The following CDC25B variants were observed in gnomAD, a reference collection of about 807,000 sequenced individuals.
The protein encoded by CDC25B is cell division cycle 25B.
CDC25B carries 33 observed loss-of-function variants against 69.8 expected under a neutral mutation model. That is an observed-to-expected ratio of 0.47 (90% CI 0.36 to 0.63). CDC25B has a LOEUF of 0.63. CDC25B is among the 30% of genes least tolerant of loss of function. The probability of loss-of-function intolerance (pLI) is 0.00; values close to 1 mark genes in which losing one functional copy is unlikely to be tolerated. For synonymous variants in CDC25B, 341 were observed against 314.6 expected, an observed-to-expected ratio of 1.08 and a Z score of -0.89; for missense variants, 727 against 809.1, an observed-to-expected ratio of 0.90 and a Z score of 1.23.
Position 3,802,008 on chromosome 20 carries a change from C to G in CDC25B, c.1006C>G (p.Leu336Val). 6.2e-7 allele frequency: 1 copy of G among 1,600,344 alleles called. No individual in the cohort carries two copies. Among genetic ancestry groups the G allele is most frequent in the South Asian group, 1.1e-5 (1 of 88,774 alleles). The change falls in exon 10 of 16, where the codon CTG becomes GTG. Residue 336 changes from leucine to valine, a missense_variant. By Grantham distance (32) the Leu-to-Val change is conservative. This residue lies in a region of CDC25B where 359 missense variants were observed against 463.4 expected (regional missense o/e 0.77). Transcript: ENST00000245960. Reference protein sequence around the residue: ...CSVIRPILKRLERPQDRDTPV... With the variant: ...CSVIRPILKRVERPQDRDTPV... ...CGTGATCCGGCCCATCCTCAAGAGG[C>G]TGGAGCGGCCCCAGGACAGGGACAC...
chr20:3,788,620 C>T (rs967701833), intron 1 of CDC25B, among the ~76,000 whole-genome samples: 1 of 152,172 alleles, frequency 6.6e-6, no homozygotes, highest in Admixed American at 6.5e-5. Flanking sequence ...GGAGACTTTT[C>T]CAGAGCACTG....
rs1321621733 is a variant in CDC25B, at chr20:3,804,911, G to T, written c.1693G>T (p.Ala565Ser). 9.3e-6 allele frequency: 15 copies of T among 1,613,964 alleles called. No individual in the cohort carries two copies. Among genetic ancestry groups the T allele is most frequent in the African/African-American group, 1.3e-5 (1 of 75,068 alleles). Residue 565 changes from alanine to serine, a missense_variant, in exon 16 of 16, where the codon GCT becomes TCT. This residue lies in a region of CDC25B where 359 missense variants were observed against 463.4 expected (regional missense o/e 0.77). Transcript: ENST00000245960. ...CTTCCGCCTCAAGACTCGCAGCTGG[G>T]CTGGGGAGCGGAGCCGGCGGGAGCT... is the stretch of plus-strand genomic sequence containing the variant. The part of the protein sequence containing the change: ...KTFRLKTRSW[A>S]GERSRRELCS...
chr20:3,803,392 C>A lies in CDC25B; in HGVS notation c.1357-12C>A. ...ACCCGGGGCTGTGCCTGACCTCTGG[C>A]TCCTCTGACAGACTGCGGTGAACTT... On this transcript the variant is annotated splice_polypyrimidine_tract_variant and intron_variant, in intron 13 of 15. Transcript: ENST00000245960. This position sits in a 1 kb window ranked among gnomAD's most constrained non-coding sequence, Gnocchi z 4.9. 6.2e-7 allele frequency: 1 copy of A among 1,614,100 alleles called. No homozygotes were observed. Among genetic ancestry groups the A allele is most frequent in the Non-Finnish European group, 8.5e-7 (1 of 1,179,984 alleles).
intron 1 of CDC25B, chr20:3,787,237 A>G (rs1195524605): frequency 2.3e-5 from 13 of 561,492 alleles, no homozygotes; most frequent in South Asian, 1.8e-4. Flanking sequence ...GACTGTATAG[A>G]CTGTATATCT....
chr20:3,798,917 C>T (rs900253705), intron 3 of CDC25B, among the ~76,000 whole-genome samples: 2 of 152,214 alleles, frequency 1.3e-5, no homozygotes, highest in African/African-American at 2.4e-5. Flanking sequence ...GGCTCTTGGC[C>T]GATCAGCAAC....
At chr20:3,788,368 T>G (rs1195823946) in intron 1 of CDC25B, among the ~76,000 whole-genome samples, 2 of 152,248 alleles carry the variant, frequency 1.3e-5, no homozygotes, top group African/African-American at 4.8e-5. Context: ...TTCTTGACTT[T>G]TAGGAGCTCT....
In CDC25B at chr20:3,803,125, G is replaced by A. The variant is rs146556613; in HGVS notation, c.1275G>A (p.Thr425=). Reference sequence around the variant, plus strand: ...TCCTACAGATGGTGGCCCTATTGACGGGCAAGTTCAGCAACATCGTGGATA... The same window carrying A: ...TCCTACAGATGGTGGCCCTATTGACAGGCAAGTTCAGCAACATCGTGGATA... ...ISPETMVALL[T]GKFSNIVDKF... The change falls in exon 13 of 16, where the codon ACG becomes ACA. Residue 425 remains threonine (T), a synonymous_variant. Coordinates refer to ENST00000245960, the MANE Select transcript of CDC25B (RefSeq NM_021873.4). This position sits in a 1 kb window ranked among gnomAD's most constrained non-coding sequence, Gnocchi z 4.9. 190 of 1,613,858 alleles carry A rather than the reference G, an allele frequency of 1.2e-4. No individual in the cohort carries two copies. The African/African-American group carries it at 1.7e-3, about 15-fold the overall frequency.
rs2089352663 is a variant in CDC25B at position 3,803,280 on chromosome 20, T to C, written c.1356+74T>C. The C allele has an allele frequency of 1.3e-6, 2 of 1,569,744 alleles. No individual in the cohort carries two copies. The highest frequency in any genetic ancestry group is 1.4e-5 in the African/African-American group (1 of 73,948). On this transcript the variant is annotated intron_variant, in intron 13 of 15. Transcript: ENST00000245960. This position sits in a 1 kb window ranked among gnomAD's most constrained non-coding sequence, Gnocchi z 4.9. ...GTCCTTGCTTTGCCAAGAGGGTGAA[T>C]GGGTGGAGGACGGGTGCCCCCTCTC... is the stretch of plus-strand genomic sequence containing the variant.
Position 3,797,627 on chromosome 20 carries a change from C to T in CDC25B, c.206C>T (p.Thr69Ile), listed in dbSNP as rs373910055. 6.2e-7 allele frequency: 1 copy of T among 1,613,998 alleles called. No individual in the cohort carries two copies. Among genetic ancestry groups the T allele is most frequent in the Non-Finnish European group, 8.5e-7 (1 of 1,180,030 alleles). ...MHDLAGLGSE[T>I]PKSQVGTLLF... ...GGTCCCTGTTCCCTTCCCAGCGAAA[C>T]CCCAAAGAGTCAGGTAGGGACCCTG... The change falls in exon 2 of 16, where the codon ACC (threonine) becomes ATC (isoleucine). Residue 69 changes from threonine to isoleucine, a missense_variant. Thr to Ile is a moderately conservative substitution (Grantham distance 89). Around this residue, in one of 2 missense-constraint regions of CDC25B, gnomAD observed 368 missense variants for 345.6 expected, o/e 1.06. Coordinates refer to ENST00000245960, the MANE Select transcript of CDC25B (RefSeq NM_021873.4).
rs370909880 is a variant in CDC25B at position 3,800,958 on chromosome 20, A to T, written c.583-13A>T. 8.1e-6 allele frequency: 13 copies of T among 1,613,800 alleles called. No homozygotes were observed. Among genetic ancestry groups the T allele is most frequent in the Non-Finnish European group, 1.0e-5 (12 of 1,179,844 alleles). ...TGGCATGTGAGGACCCTCCTCTCCC[A>T]TCTTGGCTGCAGGATGGATTTGTCT... On this transcript the variant is annotated splice_polypyrimidine_tract_variant and intron_variant, in intron 6 of 15. Coordinates refer to ENST00000245960, the MANE Select transcript of CDC25B (RefSeq NM_021873.4).
intron 3 of CDC25B, 146 bp from the exon 4 acceptor site, chr20:3,800,142 G>T: frequency 1.5e-6 from 1 of 664,360 alleles, no homozygotes; most frequent in East Asian, 2.7e-5. Flanking sequence ...CTGATGGTGG[G>T]CGTTCTTCCC....
At chr20:3,796,889 C>T (rs1439168153) in intron 1 of CDC25B, among the ~76,000 whole-genome samples, 158 bp downstream of exon 1, 2 of 152,078 alleles carry the variant, frequency 1.3e-5, no homozygotes, top group African/African-American at 2.4e-5. Context: ...TCCTAGGGGC[C>T]CAGGACATGG....
At chr20:3,794,690 A>C (rs2088979905), upstream of CDC25B, among the ~76,000 whole-genome samples, 1 of 152,140 alleles carries the variant, frequency 6.6e-6, no homozygotes, top group Admixed American at 6.5e-5. Flanking sequence ...TCTGCACAGC[A>C]CAGGAGCTGG....
In CDC25B at chr20:3,802,100, T is replaced by C; in HGVS notation, c.1098T>C (p.Pro366=). ...AGGAGCAGCAGGAGGCTGAGGAACC[T>C]GTGAGTGCCTTCCTCCTGGGGTTCA... is the stretch of plus-strand genomic sequence containing the variant. ...PPEEQQEAEE[P]KARVLRSKSL... is the part of the protein sequence containing the mutation. Residue 366 remains proline (P), a splice_region_variant and synonymous_variant, in exon 10 of 16, where the codon CCT becomes CCC. Coordinates refer to ENST00000245960, the MANE Select transcript of CDC25B (RefSeq NM_021873.4). 1.3e-6 allele frequency: 2 copies of C among 1,548,700 alleles called. No individual in the cohort carries two copies. The highest frequency in any genetic ancestry group is 1.4e-5 in the African/African-American group (1 of 73,318).
chr20:3,805,800 G>C lies in CDC25B; in HGVS notation c.*839G>C. The C allele has an allele frequency of 2.5e-6, 1 of 406,686 alleles. No homozygotes were observed. Among genetic ancestry groups the C allele is most frequent in the Non-Finnish European group, 4.4e-6 (1 of 228,330 alleles). 25.2% of individuals were successfully genotyped at this position (406,686 alleles called of 1,614,324 possible). A position where few individuals can be genotyped will look rare whatever the true frequency, so the allele number is the denominator to read the frequency against. On this transcript the variant is annotated 3_prime_UTR_variant, in exon 16 of 16. Transcript: ENST00000245960. ...GCTGCTGTCTTGTTGCGGATGGATG[G>C]AAGGTTGGATGGATGGGTGGATGGC...
rs141382375 is a variant in CDC25B at position 3,798,459 on chromosome 20, C to A, written c.376C>A (p.Gln126Lys). ...PSPMDPHMAEQTFEQAIQAAS... is the reference protein window; with the variant it reads ...PSPMDPHMAEKTFEQAIQAAS... Reference sequence around the variant, plus strand: ...CCCTATGGACCCCCACATGGCGGAGCAGACGTGAGTAGAGAAGGGAATGTG... The same window carrying A: ...CCCTATGGACCCCCACATGGCGGAGAAGACGTGAGTAGAGAAGGGAATGTG... The change falls in exon 3 of 16, where the codon CAG becomes AAG. Residue 126 changes from glutamine to lysine, a missense_variant. Physicochemically the swap from Gln to Lys is moderately conservative, Grantham distance 53. Coordinates refer to ENST00000245960, the MANE Select transcript of CDC25B (RefSeq NM_021873.4). 3.1e-6 allele frequency: 5 copies of A among 1,597,086 alleles called. No homozygotes were observed. In the African/African-American group the frequency reaches 5.4e-5, roughly 17 times the overall value.
intron 3 of CDC25B, among the ~76,000 whole-genome samples, chr20:3,799,974 T>G (rs1299311167): frequency 6.6e-6 from 1 of 152,152 alleles, no homozygotes; most frequent in Non-Finnish European, 1.5e-5. Context: ...GAAGGCCTGG[T>G]GCAGGCTGGC....
chr20:3,805,239 G>A lies in CDC25B; in HGVS notation c.*278G>A. 2.1e-6 allele frequency: 1 copy of A among 474,772 alleles called. No homozygotes were observed. Among genetic ancestry groups the A allele is most frequent in the Non-Finnish European group, 3.8e-6 (1 of 262,452 alleles). The allele number at this position is 474,772 out of a possible 1,614,324, so 29.4% of individuals were successfully genotyped here. ...AGGCAGTATTTTGTGTCCTCCAGGAGCTTCTTGTTTCCTTGTTAGGGTTAA... is the reference window on the plus strand; with the variant it reads ...AGGCAGTATTTTGTGTCCTCCAGGAACTTCTTGTTTCCTTGTTAGGGTTAA... On this transcript the variant is annotated 3_prime_UTR_variant, in exon 16 of 16. Transcript: ENST00000245960.
chr20:3,796,511 C>G lies in CDC25B; in HGVS notation c.-21C>G. ...GCCCTGCGCCCGGCCCTCCAGCCAG[C>G]CTTCTGCCGGCCCCGCCGCGATGGA... On this transcript the variant is annotated 5_prime_UTR_variant, in exon 1 of 16. Transcript: ENST00000245960. 6 of 1,484,958 alleles carry G rather than the reference C, an allele frequency of 4.0e-6. No individual in the cohort carries two copies. The highest frequency in any genetic ancestry group is 5.3e-6 in the Non-Finnish European group (6 of 1,125,028). The allele number at this position is 1,484,958 out of a possible 1,614,324, so 92.0% of individuals were successfully genotyped here. A position where few individuals can be genotyped will look rare whatever the true frequency, so the allele number is the denominator to read the frequency against.
Sources: gnomAD v4.1 joint callset for allele counts (sites outside exome capture counted in the v4.1 genomes callset) on GRCh38, gnomAD v4.1.1 for gene constraint, gnomAD v4.1.1 regional missense constraint, Gnocchi (gnomAD v3.1) non-coding constraint, MANE v1.5 for transcripts, NCBI Gene and HGNC (gene_info 2026-07-23, HGNC 2026-07-21) for gene names.